Variants in CMTM5 observed in about 807,000 individuals in gnomAD.
The protein encoded by CMTM5 is CKLF-like MARVEL transmembrane domain-containing protein 5.
Under a neutral mutation model 26.9 loss-of-function variants are expected in CMTM5, and 25 were observed. The ratio of observed to expected loss-of-function variants is 0.93; its 90% CI spans 0.68 to 1.30. The LOEUF (loss-of-function observed/expected upper bound fraction) is 1.30, where lower values mean the gene tolerates loss of function less well. CMTM5 is among the 50% of genes most tolerant of loss of function. The pLI, the probability that CMTM5 is intolerant of heterozygous loss-of-function variation, is 0.00. For missense variants in CMTM5, 292 were observed against 289.6 expected (o/e 1.01, Z -0.06); for synonymous variants, 98 against 115.5 (o/e 0.85, Z 0.97).
chr14:23,378,556 A>G lies in CMTM5; in HGVS notation c.279+55A>G, dbSNP rs1265925656. On this transcript the variant is annotated intron_variant, in intron 2 of 5. Transcript: ENST00000339180. This position sits in a 1 kb window ranked among gnomAD's most constrained non-coding sequence, Gnocchi z 4.2. The stretch of plus-strand genomic sequence containing the variant: ...GGGGCCCTTCCCTCTCCTCTAAATG[A>G]TGCATTTTCCTTTCCTCCCCGAGCT... 4 of 1,610,672 alleles carry G rather than the reference A, an allele frequency of 2.5e-6. No individual in the cohort carries two copies. The African/African-American group carries it at 5.4e-5, about 22-fold the overall frequency.
Position 23,378,175 on chromosome 14 carries a change from C to G in CMTM5, c.127-174C>G. 1.4e-6 allele frequency: 1 copy of G among 693,478 alleles called. No homozygotes were observed. The highest frequency in any genetic ancestry group is 2.4e-6 in the Non-Finnish European group (1 of 422,034). The allele number at this position is 693,478 out of a possible 1,614,324, so 43.0% of individuals were successfully genotyped here. On this transcript the variant is annotated intron_variant, in intron 1 of 5. Coordinates refer to ENST00000339180, the MANE Select transcript of CMTM5 (RefSeq NM_001288746.2). This position sits in a 1 kb window ranked among gnomAD's most constrained non-coding sequence, Gnocchi z 4.2. ...GAGACTGCCCTTGACCGGCAAATGC[C>G]CTGCAACGGTGGCTCCTGACACCAG...
Position 23,378,395 on chromosome 14 carries a change from C to T in CMTM5, c.173C>T (p.Ala58Val). The T allele has an allele frequency of 6.2e-7, 1 of 1,614,106 alleles. No individual in the cohort carries two copies. The highest frequency in any genetic ancestry group is 8.5e-7 in the Non-Finnish European group (1 of 1,179,998). Residue 58 changes from alanine to valine, a missense_variant, in exon 2 of 6, where the codon GCC (alanine) becomes GTC (valine). By Grantham distance (64) the Ala-to-Val change is moderately conservative (BLOSUM62 0). Coordinates refer to ENST00000339180, the MANE Select transcript of CMTM5 (RefSeq NM_001288746.2). This position sits in a 1 kb window ranked among gnomAD's most constrained non-coding sequence, Gnocchi z 4.2. ...ATCTGCTTCACGGCCTCCATCTCTG[C>T]CTACATGGCCGCGGCGCTACTGGAG... The part of the protein sequence containing the change: ...IFICFTASIS[A>V]YMAAALLEFF...
In CMTM5 at chr14:23,377,975, A is replaced by C; in HGVS notation, c.127-374A>C. 1 of 221,110 alleles carries C rather than the reference A, an allele frequency of 4.5e-6. No homozygotes were observed. Among genetic ancestry groups the C allele is most frequent in the Non-Finnish European group, 8.8e-6 (1 of 113,614 alleles). The allele number at this position is 221,110 out of a possible 1,614,324, so 13.7% of individuals were successfully genotyped here. A position where few individuals can be genotyped will look rare whatever the true frequency, so the allele number is the denominator to read the frequency against. On this transcript the variant is annotated intron_variant, in intron 1 of 5. Coordinates refer to ENST00000339180, the MANE Select transcript of CMTM5 (RefSeq NM_001288746.2). This position sits in a 1 kb window ranked among gnomAD's most constrained non-coding sequence, Gnocchi z 4.6. The stretch of plus-strand genomic sequence containing the variant: ...GCTTTCAGGCATCTGGGGGTGGGGA[A>C]AGCATTATGAGGCAGGGGGCTCCTC...
chr14:23,379,438 C>A, intron 5 of CMTM5, 36 bp from the exon 6 acceptor site: 2 of 1,614,132 alleles, frequency 1.2e-6, no homozygotes, highest in South Asian at 2.2e-5. Flanking sequence ...AGCTACCCAT[C>A]CTGATGTGGG....
chr14:23,377,154 T>G lies in CMTM5; in HGVS notation c.-98T>G, dbSNP rs1460560726. ...TGCTTCACTTTCAGGTTTCTCGAAG[T>G]GCCTTCTTGCTCCTGTCTGTTTCCC... is the stretch of plus-strand genomic sequence containing the variant. On this transcript the variant is annotated 5_prime_UTR_variant, in exon 1 of 6. Transcript: ENST00000339180. This position sits in a 1 kb window ranked among gnomAD's most constrained non-coding sequence, Gnocchi z 4.6. The G allele has an allele frequency of 1.3e-6, 2 of 1,504,338 alleles. No homozygotes were observed. Among genetic ancestry groups the G allele is most frequent in the Non-Finnish European group, 1.8e-6 (2 of 1,111,828 alleles). The allele number at this position is 1,504,338 out of a possible 1,614,324, so 93.2% of individuals were successfully genotyped here.
Position 23,377,206 on chromosome 14 carries a change from G to C in CMTM5, c.-46G>C. On this transcript the variant is annotated 5_prime_UTR_variant, in exon 1 of 6. Transcript: ENST00000339180. This position sits in a 1 kb window ranked among gnomAD's most constrained non-coding sequence, Gnocchi z 4.6. ...ATCCTGCCAGATTTCTGTTTCTCTT[G>C]CTGGGCTTTTGGCAGTAGGGGGCTG... 6.2e-7 allele frequency: 1 copy of C among 1,600,708 alleles called. No individual in the cohort carries two copies. Among genetic ancestry groups the C allele is most frequent in the African/African-American group, 1.3e-5 (1 of 74,470 alleles).
chr14:23,379,509 A>G lies in CMTM5; in HGVS notation c.*22A>G, dbSNP rs752434162. 3.1e-6 allele frequency: 5 copies of G among 1,612,972 alleles called. No individual in the cohort carries two copies. The highest frequency in any genetic ancestry group is 1.1e-5 in the South Asian group (1 of 91,072). On this transcript the variant is annotated 3_prime_UTR_variant, in exon 6 of 6. Transcript: ENST00000339180. ...GTGACTCTGGGGCTACCTGGCTCCT[A>G]GGCCCAGCCAGCCAGAGAGGACAGT...
At position 23,377,506 on chromosome 14, in the gene CMTM5, G is replaced by A. The variant is rs1031580773; in HGVS notation, c.126+129G>A. On this transcript the variant is annotated intron_variant, in intron 1 of 5. Transcript: ENST00000339180. The surrounding 1 kb of genome is among the most constrained non-coding windows in gnomAD (Gnocchi z 4.6). Reference sequence around the variant, plus strand: ...AGCCCTCTGGACACCTCTCCTGCCCGCAGCTGCCCCTTCTTCGTCTCCTAC... The same window carrying A: ...AGCCCTCTGGACACCTCTCCTGCCCACAGCTGCCCCTTCTTCGTCTCCTAC... The A allele has an allele frequency of 2.9e-5, 30 of 1,033,004 alleles. No homozygotes were observed. Among genetic ancestry groups the A allele is most frequent in the Non-Finnish European group, 3.7e-5 (28 of 755,386 alleles). The allele number at this position is 1,033,004 out of a possible 1,614,324, so 64.0% of individuals were successfully genotyped here. A position where few individuals can be genotyped will look rare whatever the true frequency, so the allele number is the denominator to read the frequency against.
rs1342033397 is a variant in CMTM5, at chr14:23,378,582, T to A, written c.279+81T>A. ...TGCATTTTCCTTTCCTCCCCGAGCTTCTTTCCATTTCCACACCACAGCTGG... is the reference window on the plus strand; with the variant it reads ...TGCATTTTCCTTTCCTCCCCGAGCTACTTTCCATTTCCACACCACAGCTGG... On this transcript the variant is annotated intron_variant, in intron 2 of 5. Coordinates refer to ENST00000339180, the MANE Select transcript of CMTM5 (RefSeq NM_001288746.2). This position sits in a 1 kb window ranked among gnomAD's most constrained non-coding sequence, Gnocchi z 4.2. 11 of 1,607,920 alleles carry A rather than the reference T, an allele frequency of 6.8e-6. No homozygotes were observed. Among genetic ancestry groups the A allele is most frequent in the Non-Finnish European group, 8.5e-6 (10 of 1,175,110 alleles).
At position 23,377,164 on chromosome 14, in the gene CMTM5, C is replaced by G; in HGVS notation, c.-88C>G. On this transcript the variant is annotated 5_prime_UTR_variant, in exon 1 of 6. Transcript: ENST00000339180. The surrounding 1 kb of genome is among the most constrained non-coding windows in gnomAD (Gnocchi z 4.6). ...TCAGGTTTCTCGAAGTGCCTTCTTGCTCCTGTCTGTTTCCCCATCCTGCCA... is the reference window on the plus strand; with the variant it reads ...TCAGGTTTCTCGAAGTGCCTTCTTGGTCCTGTCTGTTTCCCCATCCTGCCA... 3 of 1,549,366 alleles carry G rather than the reference C, an allele frequency of 1.9e-6. No individual in the cohort carries two copies. The highest frequency in any genetic ancestry group is 2.6e-6 in the Non-Finnish European group (3 of 1,143,422).
Position 23,379,648 on chromosome 14 carries a change from G to C in CMTM5, c.*161G>C. The C allele has an allele frequency of 2.0e-6, 3 of 1,477,580 alleles. No individual in the cohort carries two copies. Among genetic ancestry groups the C allele is most frequent in the Middle Eastern group, 4.9e-4 (2 of 4,084 alleles). The allele number at this position is 1,477,580 out of a possible 1,614,324, so 91.5% of individuals were successfully genotyped here. The stretch of plus-strand genomic sequence containing the variant: ...CACTGGGGACTTATCTGTGGAGCCT[G>C]GTGCTCCAGGATGTGGCTTCTCATG... On this transcript the variant is annotated 3_prime_UTR_variant, in exon 6 of 6. Coordinates refer to ENST00000339180, the MANE Select transcript of CMTM5 (RefSeq NM_001288746.2).
chr14:23,377,440 A>G lies in CMTM5; in HGVS notation c.126+63A>G. 6.7e-7 allele frequency: 1 copy of G among 1,490,510 alleles called. No homozygotes were observed. Among genetic ancestry groups the G allele is most frequent in the Non-Finnish European group, 8.9e-7 (1 of 1,122,154 alleles). 92.3% of individuals were successfully genotyped at this position (1,490,510 alleles called of 1,614,324 possible). A position where few individuals can be genotyped will look rare whatever the true frequency, so the allele number is the denominator to read the frequency against. On this transcript the variant is annotated intron_variant, in intron 1 of 5. Coordinates refer to ENST00000339180, the MANE Select transcript of CMTM5 (RefSeq NM_001288746.2). The surrounding 1 kb of genome is among the most constrained non-coding windows in gnomAD (Gnocchi z 4.6). The stretch of plus-strand genomic sequence containing the variant: ...TGACCCCCGGCTCCTGGCCAGCCTT[A>G]TGCCAGCCCCCAGCTCACCCTTCAG...
rs949025980 is a variant in CMTM5, at chr14:23,377,523, G to A, written c.126+146G>A. On this transcript the variant is annotated intron_variant, in intron 1 of 5. Coordinates refer to ENST00000339180, the MANE Select transcript of CMTM5 (RefSeq NM_001288746.2). This position sits in a 1 kb window ranked among gnomAD's most constrained non-coding sequence, Gnocchi z 4.6. ...TCCTGCCCGCAGCTGCCCCTTCTTCGTCTCCTACTCTGCCTTCTTGCTGCC... is the reference window on the plus strand; with the variant it reads ...TCCTGCCCGCAGCTGCCCCTTCTTCATCTCCTACTCTGCCTTCTTGCTGCC... 3.6e-5 allele frequency: 31 copies of A among 863,712 alleles called. No individual in the cohort carries two copies. The highest frequency in any genetic ancestry group is 1.7e-4 in the Admixed American group (5 of 29,512). The allele number at this position is 863,712 out of a possible 1,614,324, so 53.5% of individuals were successfully genotyped here.
Position 23,377,297 on chromosome 14 carries a change from G to T in CMTM5, c.46G>T (p.Val16Leu), listed in dbSNP as rs756669308. The change falls in exon 1 of 6, where the codon GTA becomes TTA. Residue 16 changes from valine (V) to leucine (L), a missense_variant. Val to Leu is a conservative substitution (Grantham distance 32). Coordinates refer to ENST00000339180, the MANE Select transcript of CMTM5 (RefSeq NM_001288746.2). This position sits in a 1 kb window ranked among gnomAD's most constrained non-coding sequence, Gnocchi z 4.6. Reference protein sequence around the residue: ...DRRDRHPEEGVVAELQGFAVD... With the variant: ...DRRDRHPEEGLVAELQGFAVD... ...CCGGGACCGGCACCCTGAGGAGGGG[G>T]TAGTTGCAGAGCTCCAGGGCTTCGC... 72 of 1,612,270 alleles carry T rather than the reference G, an allele frequency of 4.5e-5. No homozygotes were observed. The highest frequency in any genetic ancestry group is 5.9e-5 in the Non-Finnish European group (70 of 1,179,240).
In CMTM5 at chr14:23,378,537, C is replaced by T; in HGVS notation, c.279+36C>T. On this transcript the variant is annotated intron_variant, in intron 2 of 5. Coordinates refer to ENST00000339180, the MANE Select transcript of CMTM5 (RefSeq NM_001288746.2). This position sits in a 1 kb window ranked among gnomAD's most constrained non-coding sequence, Gnocchi z 4.2. ...CTGACCCCTAGCCCAGTTTGGGGCC[C>T]TTCCCTCTCCTCTAAATGATGCATT... The T allele has an allele frequency of 6.3e-7, 1 of 1,595,904 alleles. No individual in the cohort carries two copies. The highest frequency in any genetic ancestry group is 8.6e-7 in the Non-Finnish European group (1 of 1,163,882).
chr14:23,376,980 G>C (rs546178480), upstream of CMTM5: 2 of 473,136 alleles, frequency 4.2e-6, no homozygotes, highest in East Asian at 3.9e-5. Flanking sequence ...GGAGGGATTA[G>C]AGCCTCCTTC....
chr14:23,379,491 T>A lies in CMTM5; in HGVS notation c.*4T>A. 1 of 1,613,688 alleles carries A rather than the reference T, an allele frequency of 6.2e-7. No homozygotes were observed. Among genetic ancestry groups the A allele is most frequent in the East Asian group, 2.2e-5 (1 of 44,870 alleles). ...CCTCACAGGGGACCAGCAGTGACTC[T>A]GGGGCTACCTGGCTCCTAGGCCCAG... On this transcript the variant is annotated 3_prime_UTR_variant, in exon 6 of 6. Transcript: ENST00000339180.
Position 23,379,739 on chromosome 14 carries a change from T to A in CMTM5, c.*252T>A. On this transcript the variant is annotated 3_prime_UTR_variant, in exon 6 of 6. Coordinates refer to ENST00000339180, the MANE Select transcript of CMTM5 (RefSeq NM_001288746.2). ...GGTGGAGGGGAGGAATCTGGACCTC[T>A]AAGTCATTCCCAAATTAAAATATTC... 1.1e-6 allele frequency: 1 copy of A among 873,470 alleles called. No homozygotes were observed. Among genetic ancestry groups the A allele is most frequent in the Non-Finnish European group, 1.7e-6 (1 of 589,344 alleles). 54.1% of individuals were successfully genotyped at this position (873,470 alleles called of 1,614,324 possible).
At chr14:23,379,423 A>G (rs754829904) in intron 5 of CMTM5, 40 bp downstream of exon 5, 17 of 1,613,280 alleles carry the variant, frequency 1.1e-5, no homozygotes, top group Non-Finnish European at 1.4e-5. Context: ...TGCCCTCCCC[A>G]CCCTAGCTAC....
Sources: allele counts gnomAD v4.1 joint callset, GRCh38; gene constraint gnomAD v4.1.1; non-coding constraint Gnocchi (gnomAD v3.1); transcripts MANE v1.5; gene names NCBI Gene and HGNC (gene_info 2026-07-23, HGNC 2026-07-21).